The following CNTN1 variants were observed in gnomAD, a reference collection of about 807,000 sequenced individuals.
CNTN1 encodes contactin-1.
In CNTN1, 38 loss-of-function variants were observed where a neutral mutation model predicts 126.4. The ratio of observed to expected loss-of-function variants is 0.30; its 90% CI spans 0.23 to 0.39. CNTN1 has a LOEUF of 0.39. CNTN1 is among the 10% of genes least tolerant of loss of function. CNTN1 has a pLI of 1.00. For missense variants in CNTN1, 1,009 were observed against 1,248.4 expected (o/e 0.81, Z 2.89); for synonymous variants, 413 against 422.6 (o/e 0.98, Z 0.28).
intron 14 of CNTN1, among the ~76,000 whole-genome samples, chr12:40,952,162 T>G (rs2136983176): frequency 6.6e-6 from 1 of 152,172 alleles, no homozygotes; most frequent in South Asian, 2.1e-4. Flanking sequence ...AAGCACTACC[T>G]TGGAAACAGC....
chr12:40,705,250 G>A (rs946694830), intron 1 of CNTN1, among the ~76,000 whole-genome samples: 1 of 152,112 alleles, frequency 6.6e-6, no homozygotes, highest in Non-Finnish European at 1.5e-5. Flanking sequence ...TTTTCTCCAG[G>A]ATTTTGTTTC....
Position 40,875,187 on chromosome 12 carries a change from T to A in CNTN1, c.-76-33170T>A, listed in dbSNP as rs551020418. ...GTCTAGACATAAATATTGTTTAATC[T>A]GATTTTTAATTAAACTTCTTGTTCT... On this transcript the variant is annotated intron_variant, in intron 1 of 23. Transcript: ENST00000551295. Among the ~76,000 whole-genome samples, 5 of 152,292 alleles carry A rather than the reference T, an allele frequency of 3.3e-5. No homozygotes were observed. In the South Asian group the frequency reaches 1.0e-3, roughly 32 times the overall value.
chr12:40,926,181 A>ATAGATAGT (rs1457204324), intron 6 of CNTN1, among the ~76,000 whole-genome samples: 3 of 150,368 alleles, frequency 2.0e-5, no homozygotes, highest in African/African-American at 7.3e-5. Flanking sequence ...GGATAGATAG[A>ATAGATAGT]TAGATAGATA....
At chr12:40,819,114 C>T (rs1592122322) in intron 1 of CNTN1, among the ~76,000 whole-genome samples, 1 of 152,146 alleles carries the variant, frequency 6.6e-6, no homozygotes, top group East Asian at 1.9e-4. Flanking sequence ...AGGATCGCTC[C>T]TGTATAGGGT....
intron 1 of CNTN1, among the ~76,000 whole-genome samples, chr12:40,826,144 A>C (rs894773471): frequency 2.6e-5 from 4 of 152,204 alleles, no homozygotes; most frequent in African/African-American, 9.6e-5. Context: ...AGGTTTTGTC[A>C]ATAATTTAGA....
intron 23 of CNTN1, among the ~76,000 whole-genome samples, chr12:41,061,431 C>T (rs1388078588): frequency 6.6e-6 from 1 of 152,156 alleles, no homozygotes; most frequent in Non-Finnish European, 1.5e-5. Flanking sequence ...CCATGTACCT[C>T]TGCCAAACAA....
At chr12:40,928,202 C>A (rs547368980) in intron 6 of CNTN1, among the ~76,000 whole-genome samples, 25 of 151,924 alleles carry the variant, frequency 1.6e-4, no homozygotes, top group Admixed American at 3.9e-4. Flanking sequence ...AACAGAAATC[C>A]TTACAAAATT....
At chr12:40,953,602 T>C (rs1432603033) in intron 14 of CNTN1, among the ~76,000 whole-genome samples, 1 of 152,202 alleles carries the variant, frequency 6.6e-6, no homozygotes, top group Non-Finnish European at 1.5e-5. Flanking sequence ...TGCTTCTTAC[T>C]GCTTTATGCA....
At chr12:40,994,387 C>T (rs1441004312) in intron 17 of CNTN1, among the ~76,000 whole-genome samples, 1 of 151,954 alleles carries the variant, frequency 6.6e-6, no homozygotes, top group Non-Finnish European at 1.5e-5. Flanking sequence ...AATATTTTAC[C>T]TGAGATGTTT....
intron 1 of CNTN1, among the ~76,000 whole-genome samples, chr12:40,790,025 A>C (rs1000240755): frequency 1.3e-5 from 2 of 152,080 alleles, no homozygotes; most frequent in Admixed American, 1.3e-4. Context: ...GTATAAATCT[A>C]TTATTTTGCT....
intron 1 of CNTN1, among the ~76,000 whole-genome samples, chr12:40,726,273 A>T (rs1942348987): frequency 6.6e-6 from 1 of 152,204 alleles, no homozygotes; most frequent in Non-Finnish European, 1.5e-5. Flanking sequence ...AAAATAGTAC[A>T]TATGAAGAAA....
intron 1 of CNTN1, among the ~76,000 whole-genome samples, chr12:40,884,887 T>C (rs1798106302): frequency 6.6e-6 from 1 of 151,836 alleles, no homozygotes; most frequent in African/African-American, 2.4e-5. Context: ...CTTAAATTTT[T>C]TCCTTTGTAT....
chr12:40,922,536 T>C, intron 5 of CNTN1, 108 bp downstream of exon 5: 1 of 995,312 alleles, frequency 1.0e-6, no homozygotes. Flanking sequence ...ATGAGGTGGA[T>C]CTTACAAGAT....
At chr12:40,938,169 G>A (rs934431130) in intron 11 of CNTN1, among the ~76,000 whole-genome samples, 4 of 152,298 alleles carry the variant, frequency 2.6e-5, no homozygotes, top group South Asian at 4.1e-4. Context: ...GTCTGCCAAG[G>A]GAAGAGGAGA....
chr12:40,912,493 T>C (rs1002917787), intron 3 of CNTN1, among the ~76,000 whole-genome samples: 2 of 151,982 alleles, frequency 1.3e-5, no homozygotes, highest in African/African-American at 4.8e-5. Context: ...TTGTAATTCA[T>C]TGAGAAAAAG....
At chr12:40,862,609 C>T (rs987699886) in intron 1 of CNTN1, among the ~76,000 whole-genome samples, 3 of 152,050 alleles carry the variant, frequency 2.0e-5, no homozygotes, top group Non-Finnish European at 2.9e-5. Flanking sequence ...TACACAGAGG[C>T]GAGATTCTTT....
intron 1 of CNTN1, among the ~76,000 whole-genome samples, chr12:40,808,554 G>C (rs1408081917): frequency 6.6e-6 from 1 of 152,056 alleles, no homozygotes; most frequent in East Asian, 1.9e-4. Flanking sequence ...AGAGTATTTA[G>C]CATTTTAAAA....
At chr12:40,988,097 A>T (rs535246749) in intron 16 of CNTN1, among the ~76,000 whole-genome samples, 1 of 152,238 alleles carries the variant, frequency 6.6e-6, no homozygotes, top group South Asian at 2.1e-4. Context: ...CTTTTGCTTC[A>T]TGGAAATTTG....
intron 1 of CNTN1, among the ~76,000 whole-genome samples, chr12:40,846,179 G>A (rs550080237): frequency 8.5e-5 from 13 of 152,174 alleles, no homozygotes; most frequent in Middle Eastern, 3.4e-3. Flanking sequence ...TAAATGGCAG[G>A]GATTGGGGTG....
Sources: gnomAD v4.1 joint callset for allele counts (sites outside exome capture counted in the v4.1 genomes callset) on GRCh38, gnomAD v4.1.1 for gene constraint, MANE v1.5 for transcripts, NCBI Gene and HGNC (gene_info 2026-07-23, HGNC 2026-07-21) for gene names.